Variants in NR3C2 observed in about 807,000 individuals in gnomAD.
NR3C2 encodes the protein mineralocorticoid receptor.
A neutral mutation model predicts 86.4 loss-of-function variants in NR3C2; 15 were observed. The observed-to-expected ratio is 0.17, with a 90% CI of 0.12 to 0.27. The LOEUF is 0.27. NR3C2 is among the 10% of genes least tolerant of loss of function. NR3C2 has a pLI of 1.00. For missense variants in NR3C2, 960 were observed against 1,195.6 expected, an observed-to-expected ratio of 0.80 and a Z score of 2.91; for synonymous variants, 458 against 450.5, an observed-to-expected ratio of 1.02 and a Z score of -0.21.
chr4:148,212,732 G>A (rs2149817925), intron 3 of NR3C2, among the ~76,000 whole-genome samples: 1 of 152,232 alleles, frequency 6.6e-6, no homozygotes, highest in South Asian at 2.1e-4. Context: ...GGTCTGCAAC[G>A]GGCAGAAAAA....
intron 4 of NR3C2, among the ~76,000 whole-genome samples, chr4:148,164,113 A>T (rs966346580): frequency 6.6e-6 from 1 of 152,202 alleles, no homozygotes; most frequent in Non-Finnish European, 1.5e-5. Context: ...GTATCAATAC[A>T]CAAGTTGCTT....
rs371390364 is a variant in NR3C2, at chr4:148,435,886, C to T, written c.975G>A (p.Pro325=). Residue 325 remains proline (P), a synonymous_variant, in exon 2 of 9, where the codon CCG becomes CCA. Coordinates refer to ENST00000358102, the MANE Select transcript of NR3C2 (RefSeq NM_000901.5). ...AGATAGATCCCACAGTACTGGCTGCCGGACTGGAAAGCGTGGATCTGTTAT... is the reference window on the plus strand; with the variant it reads ...AGATAGATCCCACAGTACTGGCTGCTGGACTGGAAAGCGTGGATCTGTTAT... The part of the protein sequence containing the change: ...NTNNRSTLSS[P]AASTVGSICS... The T allele has an allele frequency of 2.2e-5, 36 of 1,614,176 alleles. No individual in the cohort carries two copies. The highest frequency in any genetic ancestry group is 2.0e-4 in the Admixed American group (12 of 60,020).
intron 8 of NR3C2, among the ~76,000 whole-genome samples, chr4:148,084,446 C>A (rs983853200): frequency 6.6e-6 from 1 of 152,196 alleles, no homozygotes; most frequent in Non-Finnish European, 1.5e-5. Flanking sequence ...AAATAAAATT[C>A]TTTACAGACA....
At chr4:148,394,518 CAAAAAA>C (rs112908192) in intron 2 of NR3C2, among the ~76,000 whole-genome samples, 1 of 133,062 alleles carries the variant, frequency 7.5e-6, no homozygotes, top group African/African-American at 2.7e-5. Flanking sequence ...CAACTCTACT[CAAAAAA>C]AAAAAAAAAA....
At chr4:148,441,257 C>T (rs1300186559) in intron 1 of NR3C2, among the ~76,000 whole-genome samples, 1 of 152,230 alleles carries the variant, frequency 6.6e-6, no homozygotes, top group Non-Finnish European at 1.5e-5. Context: ...AACTTCTCCT[C>T]TCAAGCTTTT....
chr4:148,226,289 C>G (rs1392199508), intron 3 of NR3C2, among the ~76,000 whole-genome samples: 2 of 152,154 alleles, frequency 1.3e-5, no homozygotes, highest in Non-Finnish European at 2.9e-5. Flanking sequence ...CCCCGCCCAC[C>G]ACTAGGAAAC....
chr4:148,400,549 G>A (rs954298273), intron 2 of NR3C2, among the ~76,000 whole-genome samples: 1 of 152,086 alleles, frequency 6.6e-6, no homozygotes, highest in Non-Finnish European at 1.5e-5. Context: ...GGGAGGCTGA[G>A]GCGGGCGGAT....
At chr4:148,285,828 T>C (rs1338536778) in intron 2 of NR3C2, among the ~76,000 whole-genome samples, 1 of 152,228 alleles carries the variant, frequency 6.6e-6, no homozygotes, top group African/African-American at 2.4e-5. Context: ...AATGTACTGT[T>C]ACCTTAAAAA....
At position 148,184,878 on chromosome 4, in the gene NR3C2, G is replaced by T. The variant is rs1426574667; in HGVS notation, c.2014+9868C>A. On this transcript the variant is annotated intron_variant, in intron 4 of 8. Transcript: ENST00000358102. ...GTGCACTAGAGACACCAGAAAAGGA[G>T]CTCAGAAGTTCAAAATCTAGTTTAA... Among the ~76,000 whole-genome samples the T allele has an allele frequency of 3.3e-5, 5 of 152,142 alleles. No homozygotes were observed. The East Asian group carries it at 9.6e-4, about 29-fold the overall frequency.
chr4:148,160,850 G>A (rs917190401), intron 4 of NR3C2, among the ~76,000 whole-genome samples: 1 of 152,034 alleles, frequency 6.6e-6, no homozygotes, highest in African/African-American at 2.4e-5. Flanking sequence ...CATGGGGCAC[G>A]AATTTCAGCC....
intron 2 of NR3C2, among the ~76,000 whole-genome samples, chr4:148,379,177 T>C (rs1179657644): frequency 6.6e-6 from 1 of 152,158 alleles, no homozygotes; most frequent in East Asian, 1.9e-4. Flanking sequence ...CTAGAAAATC[T>C]AGATCTCTTT....
chr4:148,382,124 C>A (rs1280959886), intron 2 of NR3C2, among the ~76,000 whole-genome samples: 2 of 152,198 alleles, frequency 1.3e-5, no homozygotes, highest in African/African-American at 4.8e-5. Flanking sequence ...GCATGGCTGA[C>A]TGAGGACAAG....
chr4:148,401,373 C>G (rs1467758258), intron 2 of NR3C2, among the ~76,000 whole-genome samples: 1 of 151,994 alleles, frequency 6.6e-6, no homozygotes, highest in Admixed American at 6.6e-5. Flanking sequence ...TTCCCAGCTT[C>G]CCTCAGTGCT....
intron 4 of NR3C2, among the ~76,000 whole-genome samples, chr4:148,163,749 CTA>C (rs1323971905): frequency 6.6e-6 from 1 of 152,130 alleles, no homozygotes; most frequent in African/African-American, 2.4e-5. Context: ...AATGGAGAAT[CTA>C]TATGTCAGGT....
chr4:148,375,749 G>C (rs1322916028), intron 2 of NR3C2, among the ~76,000 whole-genome samples: 1 of 152,094 alleles, frequency 6.6e-6, no homozygotes. Flanking sequence ...CCCTACAGCT[G>C]AAAAGCAGAA....
chr4:148,127,422 A>G (rs888471837), intron 6 of NR3C2, among the ~76,000 whole-genome samples: 14 of 152,258 alleles, frequency 9.2e-5, no homozygotes, highest in African/African-American at 2.9e-4. Flanking sequence ...ATGTAAAAAT[A>G]TACTGACTAC....
chr4:148,154,401 T>G (rs770186152), intron 5 of NR3C2, 150 bp downstream of exon 5: 1 of 785,898 alleles, frequency 1.3e-6, no homozygotes, highest in African/African-American at 1.7e-5. Context: ...ATTTTTCCTA[T>G]ACACTTGATC....
At chr4:148,177,846 G>T (rs1312950806) in intron 4 of NR3C2, among the ~76,000 whole-genome samples, 1 of 152,124 alleles carries the variant, frequency 6.6e-6, no homozygotes, top group Admixed American at 6.5e-5. Context: ...CAGTCTTGGG[G>T]CCTGGGGTCA....
At chr4:148,420,440 T>C (rs1053098540) in intron 2 of NR3C2, among the ~76,000 whole-genome samples, 2 of 152,218 alleles carry the variant, frequency 1.3e-5, no homozygotes, top group Non-Finnish European at 2.9e-5. Flanking sequence ...AACTATCACA[T>C]AATTTTATTA....
Sources: gnomAD v4.1 joint callset for allele counts (sites outside exome capture counted in the v4.1 genomes callset) on GRCh38, gnomAD v4.1.1 for gene constraint, MANE v1.5 for transcripts, NCBI Gene and HGNC (gene_info 2026-07-23, HGNC 2026-07-21) for gene names.